Variants in TPTE observed in about 807,000 individuals in gnomAD.
The protein encoded by TPTE is transmembrane phosphatase with tensin homology.
TPTE carries 59 observed loss-of-function variants against 84.1 expected under a neutral mutation model. The observed-to-expected ratio is 0.70, with a 90% CI of 0.57 to 0.87. TPTE has a LOEUF of 0.87. TPTE is among the 40% of genes least tolerant of loss of function. TPTE has a pLI of 0.00. For missense variants in TPTE, 382 were observed against 659.6 expected (o/e 0.58, Z 4.61); for synonymous variants, 130 against 223.5 (o/e 0.58, Z 3.73).
At chr21:10,530,328 G>A (rs1479010213) in intron 3 of TPTE, among the ~76,000 whole-genome samples, 1 of 152,310 alleles carries the variant, frequency 6.6e-6, no homozygotes. Context: ...GACATATACA[G>A]ATATATGCAC....
At chr21:10,564,981 G>C (rs2074890302) in intron 10 of TPTE, among the ~76,000 whole-genome samples, 1 of 152,306 alleles carries the variant, frequency 6.6e-6, no homozygotes, top group Admixed American at 6.5e-5. Context: ...GTTCAACATA[G>C]TACCGGAAGT....
chr21:10,591,621 A>G (rs1457309448), intron 18 of TPTE, among the ~76,000 whole-genome samples: 1 of 152,312 alleles, frequency 6.6e-6, no homozygotes, highest in African/African-American at 2.4e-5. Context: ...ATTGACAGCC[A>G]TTGATCCAGA....
At chr21:10,579,382 C>T (rs555666090) in intron 17 of TPTE, among the ~76,000 whole-genome samples, 38 of 152,360 alleles carry the variant, frequency 2.5e-4, no homozygotes, top group Admixed American at 7.8e-4. Flanking sequence ...CCCAGCTACT[C>T]GGAAGGCTGA....
intron 17 of TPTE, among the ~76,000 whole-genome samples, chr21:10,587,712 G>C (rs1383585903): frequency 6.6e-6 from 1 of 152,310 alleles, no homozygotes; most frequent in Non-Finnish European, 1.5e-5. Context: ...ACCACACCCA[G>C]CTAATTTTTG....
intron 8 of TPTE, among the ~76,000 whole-genome samples, chr21:10,558,822 CT>C (rs1201349763): frequency 2.0e-5 from 3 of 152,268 alleles, no homozygotes; most frequent in Non-Finnish European, 2.9e-5. Context: ...AAAATTGTTC[CT>C]CATGAGCTAC....
intron 3 of TPTE, among the ~76,000 whole-genome samples, chr21:10,537,682 A>AG (rs1418862601): frequency 9.9e-5 from 15 of 152,212 alleles, no homozygotes; most frequent in Non-Finnish European, 2.1e-4. Flanking sequence ...CCCCTCAAAA[A>AG]AAAAAAAAAA....
intron 2 of TPTE, among the ~76,000 whole-genome samples, chr21:10,526,516 C>T (rs2074081775): frequency 6.6e-6 from 1 of 152,308 alleles, no homozygotes; most frequent in Admixed American, 6.5e-5. Flanking sequence ...TCAGCACACT[C>T]TTAGAGAATC....
At chr21:10,542,362 C>G in intron 5 of TPTE, 33 bp from the exon 6 acceptor site, 1 of 1,607,680 alleles carries the variant, frequency 6.2e-7, no homozygotes, top group Non-Finnish European at 8.5e-7. Flanking sequence ...AATTATGTCT[C>G]CTCTCTGACT....
At chr21:10,524,143 G>A (rs112915489) in intron 1 of TPTE, among the ~76,000 whole-genome samples, 13,431 of 147,210 alleles carry the variant, frequency 0.091, 5 homozygotes, top group African/African-American at 0.22. Flanking sequence ...TCAATAGGAG[G>A]TAAAGACCTA....
At chr21:10,527,172 GACAC>G (rs377575461) in intron 2 of TPTE, among the ~76,000 whole-genome samples, 179 bp from the exon 3 acceptor site, 6 of 127,712 alleles carry the variant, frequency 4.7e-5, no homozygotes, top group Admixed American at 3.9e-4. Context: ...CACACACACA[GACAC>G]ACACACACAC....
intron 7 of TPTE, among the ~76,000 whole-genome samples, chr21:10,546,896 C>G (rs1006302662): frequency 2.0e-5 from 3 of 152,306 alleles, no homozygotes; most frequent in Non-Finnish European, 4.4e-5. Flanking sequence ...AGTGCCGATG[C>G]AGAAGCAGCA....
At chr21:10,559,333 G>A (rs1306519443) in intron 8 of TPTE, among the ~76,000 whole-genome samples, 161 bp from the exon 9 acceptor site, 1 of 152,302 alleles carries the variant, frequency 6.6e-6, no homozygotes, top group Admixed American at 6.5e-5. Flanking sequence ...TCATGGAGCA[G>A]GAAGAATAAA....
chr21:10,599,598 T>C (rs1360509944), intron 21 of TPTE, among the ~76,000 whole-genome samples: 1 of 152,312 alleles, frequency 6.6e-6, no homozygotes, highest in Non-Finnish European at 1.5e-5. Context: ...TATGTGATAA[T>C]TATCAGGCCT....
intron 20 of TPTE, among the ~76,000 whole-genome samples, chr21:10,596,339 C>T (rs1251936315): frequency 3.9e-5 from 6 of 152,424 alleles, no homozygotes; most frequent in African/African-American, 1.4e-4. Context: ...CCCATCTCTC[C>T]TGTTCTCATT....
At chr21:10,554,724 A>G (rs1432924834) in intron 8 of TPTE, among the ~76,000 whole-genome samples, 5 of 152,300 alleles carry the variant, frequency 3.3e-5, no homozygotes, top group African/African-American at 1.2e-4. Flanking sequence ...TTCTCACCCC[A>G]AGATTTTAAA....
intron 17 of TPTE, among the ~76,000 whole-genome samples, chr21:10,588,241 C>CT (rs540318397): frequency 3.1e-3 from 466 of 151,534 alleles, no homozygotes; most frequent in Non-Finnish European, 4.0e-3. Flanking sequence ...TTATCAAAAG[C>CT]TTTTTTTTCT....
intron 20 of TPTE, among the ~76,000 whole-genome samples, chr21:10,597,807 CATCTT>C (rs560999333): frequency 1.4e-3 from 215 of 151,992 alleles, no homozygotes; most frequent in African/African-American, 5.0e-3. Flanking sequence ...CCTCTTCTCT[CATCTT>C]ATAAAATCTG....
At chr21:10,534,772 C>T (rs1269999385) in intron 3 of TPTE, among the ~76,000 whole-genome samples, 1 of 152,310 alleles carries the variant, frequency 6.6e-6, no homozygotes, top group Non-Finnish European at 1.5e-5. Context: ...CTGTATGTAA[C>T]ATCCTTTTCT....
intron 20 of TPTE, among the ~76,000 whole-genome samples, chr21:10,596,315 G>A (rs1397160031): frequency 2.6e-5 from 4 of 152,304 alleles, no homozygotes; most frequent in South Asian, 4.1e-4. Context: ...CAATTTGGGG[G>A]ACTTCATCCC....
Sources: allele counts gnomAD v4.1 joint callset (sites outside exome capture counted in the v4.1 genomes callset), GRCh38; gene constraint gnomAD v4.1.1; transcripts MANE v1.5; gene names NCBI Gene and HGNC (gene_info 2026-07-23, HGNC 2026-07-21).